The following CPQ variants were observed in gnomAD, a reference collection of about 807,000 sequenced individuals.
The protein encoded by CPQ is Ser-Met dipeptidase.
CPQ carries 37 observed loss-of-function variants against 45.7 expected under a neutral mutation model. The ratio of observed to expected loss-of-function variants is 0.81; its 90% CI spans 0.62 to 1.07. CPQ has a LOEUF of 1.07. Among genes scored for constraint, CPQ ranks in the 50% least tolerant of loss-of-function variants. The pLI, the probability that CPQ is intolerant of heterozygous loss-of-function variation, is 0.00. For synonymous variants in CPQ, 186 were observed against 205.8 expected (o/e 0.90, Z 0.82); for missense variants, 537 against 572.9 (o/e 0.94, Z 0.64).
At chr8:96,946,363 G>T (rs1308027861) in intron 4 of CPQ, among the ~76,000 whole-genome samples, 3 of 152,084 alleles carry the variant, frequency 2.0e-5, no homozygotes, top group Non-Finnish European at 4.4e-5. Flanking sequence ...GGGACTTCTA[G>T]ATTTAATGTA....
At chr8:96,958,970 G>T (rs191822087) in intron 4 of CPQ, among the ~76,000 whole-genome samples, 1 of 150,792 alleles carries the variant, frequency 6.6e-6, no homozygotes, top group Admixed American at 6.6e-5. Flanking sequence ...CCACATGTTT[G>T]CTGTGTTGCC....
At chr8:96,724,714 T>G (rs116241888) in intron 1 of CPQ, among the ~76,000 whole-genome samples, 2,931 of 152,256 alleles carry the variant, frequency 0.019, 104 homozygotes, top group African/African-American at 0.067. Context: ...ATTATTCCTA[T>G]CAAACTACCA....
chr8:96,693,335 G>C (rs1458827307), intron 1 of CPQ, among the ~76,000 whole-genome samples: 1 of 151,868 alleles, frequency 6.6e-6, no homozygotes, highest in Non-Finnish European at 1.5e-5. Flanking sequence ...TCCAAACCTA[G>C]AGAAAGATAT....
At chr8:96,737,729 A>T (rs1810006954) in intron 1 of CPQ, among the ~76,000 whole-genome samples, 1 of 152,048 alleles carries the variant, frequency 6.6e-6, no homozygotes, top group African/African-American at 2.4e-5. Context: ...TCAAGTTGAC[A>T]CTCATTATTA....
At chr8:96,944,957 C>G (rs143178807) in intron 4 of CPQ, among the ~76,000 whole-genome samples, 28 of 152,236 alleles carry the variant, frequency 1.8e-4, no homozygotes, top group Non-Finnish European at 3.7e-4. Flanking sequence ...GCTGAAGCTA[C>G]AGGACTCACT....
intron 1 of CPQ, among the ~76,000 whole-genome samples, chr8:96,652,733 C>T (rs1214849068): frequency 6.6e-6 from 1 of 152,040 alleles, no homozygotes. Context: ...CCCGGGTTCA[C>T]GCCATTCTCC....
chr8:97,045,398 T>A (rs1326601156), intron 6 of CPQ, among the ~76,000 whole-genome samples: 1 of 152,126 alleles, frequency 6.6e-6, no homozygotes, highest in Non-Finnish European at 1.5e-5. Flanking sequence ...GTCACCCCTT[T>A]CTTTGACTAG....
chr8:97,062,454 T>C (rs1054090872), intron 6 of CPQ, among the ~76,000 whole-genome samples: 2 of 152,170 alleles, frequency 1.3e-5, no homozygotes, highest in Non-Finnish European at 2.9e-5. Flanking sequence ...ACAGCCAAAC[T>C]GCTAACTAGC....
At chr8:96,865,674 T>TAAA (rs1169702336) in intron 3 of CPQ, among the ~76,000 whole-genome samples, 1 of 152,054 alleles carries the variant, frequency 6.6e-6, no homozygotes, top group Non-Finnish European at 1.5e-5. Flanking sequence ...GATACTGATT[T>TAAA]AAAATAGACC....
At chr8:96,701,688 C>G (rs1482417816) in intron 1 of CPQ, among the ~76,000 whole-genome samples, 1 of 152,158 alleles carries the variant, frequency 6.6e-6, no homozygotes, top group African/African-American at 2.4e-5. Context: ...TGGGAAGATG[C>G]TCTGAATAAC....
chr8:97,023,135 TACTC>T (rs1479292748), intron 5 of CPQ, among the ~76,000 whole-genome samples: 5 of 149,692 alleles, frequency 3.3e-5, no homozygotes, highest in African/African-American at 7.3e-5. Context: ...CTATATATGT[TACTC>T]AACCATAAAA....
In CPQ at chr8:96,850,579, TTTTATTTTA is replaced by T. The variant is rs1308770740; in HGVS notation, c.641+15407_641+15415del. On this transcript the variant is annotated intron_variant, in intron 3 of 7. Transcript: ENST00000220763. ...TGATTTTTATTTTTATTTTATTTTA[TTTTATTTTA>T]TTTATTTATTTATTTATTTATTTAT... Among the ~76,000 whole-genome samples the T allele has an allele frequency of 7.0e-3, 1,007 of 144,492 alleles. 7 individuals carry two copies. The highest frequency in any genetic ancestry group is 0.039 in the Middle Eastern group (11 of 280). The allele number at this position is 144,492 out of a possible 152,430, so 94.8% of individuals were successfully genotyped here.
At chr8:96,896,364 A>G (rs940876966) in intron 4 of CPQ, among the ~76,000 whole-genome samples, 2 of 152,128 alleles carry the variant, frequency 1.3e-5, no homozygotes, top group Non-Finnish European at 2.9e-5. Flanking sequence ...TAAATCTACA[A>G]GATGATATAC....
In CPQ at chr8:96,966,005, C is replaced by G. The variant is rs779425986; in HGVS notation, c.920C>G (p.Ala307Gly). ...GGTGCCATGGATGATGGCGGTGGAGCCTTTATATCATGGGAAGCACTCTCA... is the reference window on the plus strand; with the variant it reads ...GGTGCCATGGATGATGGCGGTGGAGGCTTTATATCATGGGAAGCACTCTCA... ...GQGAMDDGGG[A>G]FISWEALSLI... The change falls in exon 5 of 8, where the codon GCC becomes GGC. Residue 307 changes from alanine (A) to glycine (G), a missense_variant. Coordinates refer to ENST00000220763, the MANE Select transcript of CPQ (RefSeq NM_016134.4). The G allele has an allele frequency of 6.8e-6, 11 of 1,613,616 alleles. No homozygotes were observed. Among genetic ancestry groups the G allele is most frequent in the Non-Finnish European group, 7.6e-6 (9 of 1,179,842 alleles).
intron 2 of CPQ, among the ~76,000 whole-genome samples, chr8:96,810,926 G>A (rs1369793882): frequency 6.6e-6 from 1 of 152,140 alleles, no homozygotes; most frequent in Non-Finnish European, 1.5e-5. Flanking sequence ...ATGTTAAAAT[G>A]GCAAGCCAAG....
intron 1 of CPQ, among the ~76,000 whole-genome samples, chr8:96,645,792 C>G (rs1815512121): frequency 6.6e-6 from 1 of 151,644 alleles, no homozygotes; most frequent in Non-Finnish European, 1.5e-5. Flanking sequence ...ATCCTGGTCC[C>G]CCTGAGCCTC....
At chr8:97,064,126 T>C (rs1810598370) in intron 6 of CPQ, among the ~76,000 whole-genome samples, 1 of 152,178 alleles carries the variant, frequency 6.6e-6, no homozygotes, top group South Asian at 2.1e-4. Flanking sequence ...AGTACATGAC[T>C]AGAAGCACTT....
At chr8:96,948,309 T>G (rs1356337325) in intron 4 of CPQ, among the ~76,000 whole-genome samples, 1 of 152,158 alleles carries the variant, frequency 6.6e-6, no homozygotes, top group Non-Finnish European at 1.5e-5. Context: ...TTTTCCAATT[T>G]GTGAACTGCA....
intron 4 of CPQ, among the ~76,000 whole-genome samples, chr8:96,935,118 T>G (rs1813027280): frequency 6.6e-6 from 1 of 152,164 alleles, no homozygotes; most frequent in South Asian, 2.1e-4. Context: ...AGATGTCAGG[T>G]GTTTGCCTCT....
Sources: gnomAD v4.1 joint callset for allele counts (sites outside exome capture counted in the v4.1 genomes callset) on GRCh38, gnomAD v4.1.1 for gene constraint, MANE v1.5 for transcripts, NCBI Gene and HGNC (gene_info 2026-07-23, HGNC 2026-07-21) for gene names.